Variants in ARHGEF6 observed in about 807,000 individuals in gnomAD.
ARHGEF6 encodes Rac/Cdc42 guanine nucleotide exchange factor 6.
A neutral mutation model predicts 70.3 loss-of-function variants in ARHGEF6; 9 were observed. That is an observed-to-expected ratio of 0.13 (90% CI 0.08 to 0.22). The LOEUF is 0.22. ARHGEF6 is among the 10% of genes least tolerant of loss of function. The pLI is 1.00. For synonymous variants in ARHGEF6, 201 were observed against 207.8 expected, an observed-to-expected ratio of 0.97 and a Z score of 0.28; for missense variants, 470 against 563.0, an observed-to-expected ratio of 0.83 and a Z score of 1.67.
chrX:136,715,376 C>T (rs7884998), intron 6 of ARHGEF6, among the ~76,000 whole-genome samples: 3,164 of 110,600 alleles, frequency 0.029, 107 homozygotes, highest in African/African-American at 0.098. Context: ...TTATAAATGC[C>T]TATTTTAAAA....
chrX:136,688,181 T>C (rs1255351154), intron 10 of ARHGEF6, among the ~76,000 whole-genome samples, 190 bp from the exon 11 acceptor site: 1 of 111,161 alleles, frequency 9.0e-6, no homozygotes, highest in Non-Finnish European at 1.9e-5. Flanking sequence ...CATAGAACTG[T>C]GCACCAGAAG....
chrX:136,741,909 G>T (rs2148658368), intron 5 of ARHGEF6, among the ~76,000 whole-genome samples: 1 of 111,698 alleles, frequency 9.0e-6, no homozygotes, highest in Non-Finnish European at 1.9e-5. Context: ...TGCCACTCAG[G>T]TGCCAGCCTT....
rs765048312 is a variant in ARHGEF6 at position 136,754,051 on chromosome X, A to G, written c.250-6459T>C. On this transcript the variant is annotated intron_variant, in intron 2 of 21. Coordinates refer to ENST00000250617, the MANE Select transcript of ARHGEF6 (RefSeq NM_004840.3). ...CATGGAGCTCCTATGACAGAAGCCA[A>G]GATCTGAGCTTTCTCCCTCACTCTT... 1.9e-3 allele frequency among the ~76,000 whole-genome samples: 212 copies of G among 111,740 alleles called. 3 individuals carry two copies. Among genetic ancestry groups the G allele is most frequent in the Non-Finnish European group, 3.8e-4 (20 of 53,119 alleles).
intron 21 of ARHGEF6, among the ~76,000 whole-genome samples, chrX:136,668,874 T>G (rs539857856): frequency 1.8e-5 from 2 of 111,059 alleles, no homozygotes; most frequent in Non-Finnish European, 3.8e-5. Flanking sequence ...TCTTTCTTAA[T>G]CTCAAAATCA....
At chrX:136,744,725 G>A (rs1445276635) in intron 4 of ARHGEF6, among the ~76,000 whole-genome samples, 2 of 112,068 alleles carry the variant, frequency 1.8e-5, no homozygotes, top group Admixed American at 9.4e-5. Context: ...ATAAGAGCAA[G>A]TGAAAAGGCA....
intron 6 of ARHGEF6, among the ~76,000 whole-genome samples, chrX:136,719,474 A>G (rs1183980693): frequency 8.9e-6 from 1 of 112,183 alleles, no homozygotes; most frequent in Non-Finnish European, 1.9e-5. Context: ...AAATGAAAGA[A>G]GAACATTAAA....
At chrX:136,767,982 G>A (rs1184629501) in intron 2 of ARHGEF6, among the ~76,000 whole-genome samples, 1 of 112,617 alleles carries the variant, frequency 8.9e-6, no homozygotes, top group Non-Finnish European at 1.9e-5. Context: ...TGCCTGGCAT[G>A]TTGCGGGTCA....
intron 2 of ARHGEF6, among the ~76,000 whole-genome samples, chrX:136,760,798 TTTAAC>T (rs1302823200): frequency 8.9e-6 from 1 of 112,283 alleles, no homozygotes; most frequent in Non-Finnish European, 1.9e-5. Flanking sequence ...CATTGTATTG[TTTAAC>T]TTAACTTAAA....
intron 9 of ARHGEF6, among the ~76,000 whole-genome samples, chrX:136,695,354 G>A (rs1046370157): frequency 8.0e-5 from 9 of 112,323 alleles, no homozygotes; most frequent in African/African-American, 1.9e-4. Context: ...CAAAAACACC[G>A]TTAACTAAAA....
intron 2 of ARHGEF6, chrX:136,768,533 A>C (rs762035746): frequency 8.9e-6 from 1 of 112,216 alleles, no homozygotes; most frequent in South Asian, 3.7e-4. Flanking sequence ...ATTAGACATT[A>C]CCCAACCCCT....
chrX:136,749,248 T>C (rs753361161), intron 2 of ARHGEF6, among the ~76,000 whole-genome samples: 290 of 111,948 alleles, frequency 2.6e-3, no homozygotes, highest in Non-Finnish European at 3.4e-3. Context: ...AGAGAGTGTC[T>C]AGTATCTCCG....
At chrX:136,696,734 A>C (rs757672986) in intron 9 of ARHGEF6, among the ~76,000 whole-genome samples, 13 of 111,641 alleles carry the variant, frequency 1.2e-4, no homozygotes, top group African/African-American at 3.6e-4. Context: ...ACTCAGTAAG[A>C]ACAGGGAGAA....
intron 21 of ARHGEF6, 31 bp from the exon 22 acceptor site, chrX:136,668,200 A>G (rs747776174): frequency 4.1e-6 from 5 of 1,208,774 alleles, no homozygotes; most frequent in Non-Finnish European, 5.6e-6. Flanking sequence ...TTGATTATCA[A>G]ACAGAGGGGG....
At chrX:136,729,928 T>C (rs1241359126) in intron 6 of ARHGEF6, among the ~76,000 whole-genome samples, 1 of 110,586 alleles carries the variant, frequency 9.0e-6, no homozygotes, top group Non-Finnish European at 1.9e-5. Flanking sequence ...TATATATACA[T>C]ATATATGCAT....
At position 136,669,495 on chromosome X, in the gene ARHGEF6, C is replaced by T. The variant is rs767640031; in HGVS notation, c.2177G>A (p.Arg726Lys). The part of the protein sequence containing the change: ...DTVYALKDEV[R>K]ELKQENKRMK... The stretch of plus-strand genomic sequence containing the variant: ...ATATTTTATTACCTGCTTCAGTTCT[C>T]TGACCTCGTCCTTCAAGGCGTAAAC... Residue 726 changes from arginine (R) to lysine (K), a missense_variant, in exon 21 of 22, where the codon AGA (arginine) becomes AAA (lysine). This residue lies in a region of ARHGEF6 where 88 missense variants were observed against 95.5 expected (regional missense o/e 0.92). Transcript: ENST00000250617. 2.5e-6 allele frequency: 3 copies of T among 1,209,238 alleles called. No individual in the cohort carries two copies. The highest frequency in any genetic ancestry group is 4.3e-5 in the Admixed American group (2 of 46,076).
intron 2 of ARHGEF6, among the ~76,000 whole-genome samples, chrX:136,753,796 C>T (rs1222592344): frequency 1.8e-5 from 2 of 111,695 alleles, no homozygotes; most frequent in Non-Finnish European, 3.8e-5. Context: ...TGCTTACAAC[C>T]TGTTTACAAG....
intron 5 of ARHGEF6, among the ~76,000 whole-genome samples, chrX:136,740,096 C>T (rs2077027751): frequency 9.0e-6 from 1 of 111,188 alleles, no homozygotes; most frequent in Admixed American, 9.5e-5. Flanking sequence ...GCAACCTCCG[C>T]CTCCTCGATT....
chrX:136,695,864 T>G (rs2076504233), intron 9 of ARHGEF6, among the ~76,000 whole-genome samples: 1 of 112,310 alleles, frequency 8.9e-6, no homozygotes, highest in Non-Finnish European at 1.9e-5. Flanking sequence ...ATCTATAATT[T>G]GTTTCTTAAG....
chrX:136,711,421 T>C (rs1472587206), intron 7 of ARHGEF6, among the ~76,000 whole-genome samples: 1 of 111,786 alleles, frequency 8.9e-6, no homozygotes, highest in East Asian at 2.8e-4. Context: ...TTCAGCTTCT[T>C]CTCTATTTAA....
Sources: allele counts gnomAD v4.1 joint callset (sites outside exome capture counted in the v4.1 genomes callset), GRCh38; gene constraint gnomAD v4.1.1; regional missense constraint gnomAD v4.1.1; transcripts MANE v1.5; gene names NCBI Gene and HGNC (gene_info 2026-07-23, HGNC 2026-07-21).